SLC24A2: variants seen among roughly 807,000 people sequenced by gnomAD.
SLC24A2 encodes the protein solute carrier family 24 member 2.
In SLC24A2, 36 loss-of-function variants were observed where a neutral mutation model predicts 62.0. The observed-to-expected ratio is 0.58, with a 90% CI of 0.44 to 0.77. The LOEUF is 0.77. Ranked by LOEUF, SLC24A2 falls within the 30% of genes least tolerant of loss-of-function variation. The probability of loss-of-function intolerance (pLI) is 0.00; values close to 1 mark genes in which losing one functional copy is unlikely to be tolerated. For missense variants in SLC24A2, 846 were observed against 817.9 expected (o/e 1.03, Z -0.42); for synonymous variants, 358 against 294.0 (o/e 1.22, Z -2.23).
the SLC24A2 span, among the ~76,000 whole-genome samples, chr9:20,208,475 T>C: frequency 1.3e-5 from 2 of 152,214 alleles, 1 homozygote; most frequent in South Asian, 4.1e-4. Flanking sequence ...ATGGAGACTG[T>C]TTCCTCAAGT....
chr9:20,170,644 G>A, the SLC24A2 span, among the ~76,000 whole-genome samples: 3 of 151,956 alleles, frequency 2.0e-5, no homozygotes, highest in African/African-American at 7.2e-5. Context: ...GGGACAAGGA[G>A]AAACAGGAAA....
At chr9:19,886,320 A>G in the SLC24A2 span, among the ~76,000 whole-genome samples, 62,178 of 151,898 alleles carry the variant, frequency 0.41, 13,318 homozygotes, top group East Asian at 0.84. Context: ...ATTTCACTGT[A>G]GTTTTGATTT....
the SLC24A2 span, among the ~76,000 whole-genome samples, chr9:20,029,632 G>C: frequency 3.3e-5 from 5 of 152,170 alleles, no homozygotes; most frequent in African/African-American, 1.2e-4. Context: ...ATGTCAGGCA[G>C]TTTTTGAGAT....
chr9:20,291,822 T>C, the SLC24A2 span, among the ~76,000 whole-genome samples: 1 of 152,120 alleles, frequency 6.6e-6, no homozygotes, highest in Non-Finnish European at 1.5e-5. Flanking sequence ...TTTGACATGA[T>C]TCATGGTCAA....
At chr9:19,959,179 T>C in the SLC24A2 span, among the ~76,000 whole-genome samples, 3 of 152,058 alleles carry the variant, frequency 2.0e-5, no homozygotes, top group African/African-American at 7.3e-5. Context: ...GAATCAGTGA[T>C]GAGGGAGAAG....
the SLC24A2 span, among the ~76,000 whole-genome samples, chr9:19,882,933 A>G: frequency 1.3e-5 from 2 of 152,232 alleles, no homozygotes; most frequent in Non-Finnish European, 2.9e-5. Context: ...ATGCAGGAAG[A>G]CTGATGAAAA....
chr9:20,126,355 T>C, the SLC24A2 span, among the ~76,000 whole-genome samples: 3 of 152,166 alleles, frequency 2.0e-5, no homozygotes, highest in South Asian at 6.2e-4. Context: ...GGTTATTCAC[T>C]GACTTACTGA....
chr9:20,196,183 G>C, the SLC24A2 span, among the ~76,000 whole-genome samples: 1 of 152,212 alleles, frequency 6.6e-6, no homozygotes, highest in East Asian at 1.9e-4. Context: ...TTGACAATAT[G>C]TATAAAAAAT....
chr9:20,182,712 A>G, the SLC24A2 span, among the ~76,000 whole-genome samples: 1 of 152,182 alleles, frequency 6.6e-6, no homozygotes, highest in African/African-American at 2.4e-5. Flanking sequence ...GCAGCAAACC[A>G]ACAGGCACAT....
chr9:20,217,512 A>G, the SLC24A2 span, among the ~76,000 whole-genome samples: 19 of 152,146 alleles, frequency 1.2e-4, no homozygotes, highest in African/African-American at 4.6e-4. Context: ...TGACAGGAGG[A>G]ATAATGAAGA....
chr9:19,669,290 G>T (rs951097317), intron 2 of SLC24A2, among the ~76,000 whole-genome samples: 2 of 152,122 alleles, frequency 1.3e-5, no homozygotes, highest in Non-Finnish European at 2.9e-5. Flanking sequence ...GTGTGAGTGG[G>T]TTGGGTGGGG....
the SLC24A2 span, among the ~76,000 whole-genome samples, chr9:19,820,056 C>CACATATATAT: frequency 2.9e-4 from 6 of 20,732 alleles, no homozygotes; most frequent in African/African-American, 5.3e-4. Flanking sequence ...TATATATATA[C>CACATATATAT]ACATATATAT....
chr9:19,779,186 G>T (rs1244231911), intron 2 of SLC24A2, among the ~76,000 whole-genome samples: 1 of 152,206 alleles, frequency 6.6e-6, no homozygotes, highest in Admixed American at 6.5e-5. Context: ...TGGAATTCTA[G>T]AAGGCAGACT....
chr9:20,127,908 G>A, the SLC24A2 span, among the ~76,000 whole-genome samples: 1 of 152,066 alleles, frequency 6.6e-6, no homozygotes, highest in African/African-American at 2.4e-5. Context: ...CAATCAAATA[G>A]CTGATTTTCC....
the SLC24A2 span, among the ~76,000 whole-genome samples, chr9:19,822,365 A>T: frequency 6.6e-6 from 1 of 152,102 alleles, no homozygotes; most frequent in East Asian, 1.9e-4. Flanking sequence ...TATATAATTG[A>T]TGATAGGAAT....
the SLC24A2 span, among the ~76,000 whole-genome samples, chr9:20,064,769 G>A: frequency 1.4e-4 from 22 of 152,310 alleles, no homozygotes; most frequent in Non-Finnish European, 2.8e-4. Flanking sequence ...AAATCAGGAA[G>A]AGCCAGGAGA....
chr9:20,240,700 AG>A, the SLC24A2 span, among the ~76,000 whole-genome samples: 3 of 152,152 alleles, frequency 2.0e-5, no homozygotes, highest in Non-Finnish European at 4.4e-5. Context: ...TGGTCATTTC[AG>A]GGGGGTTTTG....
At chr9:19,652,022 C>T (rs565640423) in intron 2 of SLC24A2, among the ~76,000 whole-genome samples, 1 of 152,182 alleles carries the variant, frequency 6.6e-6, no homozygotes. Context: ...ACAGGAGATA[C>T]CCACACTACT....
the SLC24A2 span, among the ~76,000 whole-genome samples, chr9:20,187,186 A>G: frequency 1.3e-5 from 2 of 152,112 alleles, no homozygotes; most frequent in African/African-American, 4.8e-5. Context: ...CCCTAGCACC[A>G]TTCTATAATG....
Sources: allele counts gnomAD v4.1 joint callset (sites outside exome capture counted in the v4.1 genomes callset), GRCh38; gene constraint gnomAD v4.1.1; transcripts MANE v1.5; gene names NCBI Gene and HGNC (gene_info 2026-07-23, HGNC 2026-07-21).